The following SHTN1 variants were observed in gnomAD, a reference collection of about 807,000 sequenced individuals.
SHTN1 encodes the protein shootin-1.
A neutral mutation model predicts 83.1 loss-of-function variants in SHTN1; 42 were observed. The observed-to-expected ratio is 0.51, with a 90% CI of 0.39 to 0.65. The LOEUF (loss-of-function observed/expected upper bound fraction) is 0.65, where lower values mean the gene tolerates loss of function less well. SHTN1 is among the 30% of genes least tolerant of loss of function. The pLI, the probability that SHTN1 is intolerant of heterozygous loss-of-function variation, is 0.00. For missense variants in SHTN1, 622 were observed against 737.8 expected (o/e 0.84, Z 1.82); for synonymous variants, 224 against 247.7 (o/e 0.90, Z 0.90).
chr10:117,041,375 A>G (rs1852581776), intron 2 of SHTN1, among the ~76,000 whole-genome samples: 1 of 152,222 alleles, frequency 6.6e-6, no homozygotes, highest in South Asian at 2.1e-4. Flanking sequence ...ATTAAAATCA[A>G]TCTTCAATGC....
Position 116,884,344 on chromosome 10 carries a change from T to C in SHTN1, c.*2000A>G. The C allele has an allele frequency of 2.3e-6, 1 of 438,692 alleles. No individual in the cohort carries two copies. The highest frequency in any genetic ancestry group is 4.7e-6 in the Non-Finnish European group (1 of 213,692). 27.2% of individuals were successfully genotyped at this position (438,692 alleles called of 1,614,324 possible). On this transcript the variant is annotated 3_prime_UTR_variant, in exon 17 of 17. Transcript: ENST00000355371. ...AGGCAGAAAAAGGTGAGTGAATATC[T>C]TCCATCAAATACCTTCATGTCAAAT...
At chr10:117,043,833 C>G (rs978561377) in intron 2 of SHTN1, among the ~76,000 whole-genome samples, 1 of 151,924 alleles carries the variant, frequency 6.6e-6, no homozygotes, top group African/African-American at 2.4e-5. Context: ...CAGAGCAAGA[C>G]CCTGTCTCAA....
At chr10:117,057,314 C>T (rs2133593006) in intron 1 of SHTN1, among the ~76,000 whole-genome samples, 1 of 152,290 alleles carries the variant, frequency 6.6e-6, no homozygotes, top group Admixed American at 6.5e-5. Flanking sequence ...CCCAAGCCAC[C>T]TGGTAAGCAG....
intron 14 of SHTN1, among the ~76,000 whole-genome samples, chr10:116,908,961 A>G (rs1848082503): frequency 4.6e-5 from 7 of 152,200 alleles, no homozygotes; most frequent in Admixed American, 4.6e-4. Context: ...GGAGGAAAGA[A>G]AGGTTTCTGC....
Position 116,886,458 on chromosome 10 carries a change from G to A in SHTN1, c.1782C>T (p.Asp594=). 1 of 1,613,698 alleles carries A rather than the reference G, an allele frequency of 6.2e-7. No individual in the cohort carries two copies. The highest frequency in any genetic ancestry group is 8.5e-7 in the Non-Finnish European group (1 of 1,179,810). ...GAGTTGGATCTTTTTCAGCAACCTG[G>A]TCTTTGGTTTGGGGTTCATGTGTAG... ...PVSTHEPQTK[D]QVAEKDPTQH... Residue 594 remains aspartate, a synonymous_variant, in exon 17 of 17, where the codon GAC becomes GAT. Transcript: ENST00000355371.
intron 1 of SHTN1, among the ~76,000 whole-genome samples, chr10:117,052,811 A>G (rs1190384397): frequency 2.6e-5 from 4 of 151,428 alleles, no homozygotes; most frequent in African/African-American, 9.7e-5. Flanking sequence ...CGAGGCCAGG[A>G]GATCGAGACC....
chr10:116,974,226 T>C (rs907863936), intron 2 of SHTN1: 10 of 754,754 alleles, frequency 1.3e-5, no homozygotes, highest in East Asian at 2.2e-4. Context: ...TCTAGATAGA[T>C]TGCTGTTAAT....
intron 11 of SHTN1, among the ~76,000 whole-genome samples, chr10:116,926,121 G>A (rs1480801349): frequency 6.6e-6 from 1 of 152,022 alleles, no homozygotes; most frequent in African/African-American, 2.4e-5. Context: ...GTTCACACTT[G>A]AGACACAAAT....
intron 1 of SHTN1, among the ~76,000 whole-genome samples, chr10:117,082,980 T>A (rs1853292881): frequency 6.6e-6 from 1 of 150,608 alleles, no homozygotes; most frequent in Admixed American, 6.7e-5. Flanking sequence ...GGGTCTTGAC[T>A]CTTTATCCAA....
chr10:117,105,501 A>T (rs1589934544), intron 1 of SHTN1, among the ~76,000 whole-genome samples: 1 of 152,328 alleles, frequency 6.6e-6, no homozygotes, highest in East Asian at 1.9e-4. Flanking sequence ...CCACAGTCAC[A>T]CAGCTGGCAT....
chr10:117,097,832 A>G (rs1402281437), intron 1 of SHTN1, among the ~76,000 whole-genome samples: 1 of 152,168 alleles, frequency 6.6e-6, no homozygotes, highest in African/African-American at 2.4e-5. Context: ...AATTTCTTGC[A>G]TCACAAAATC....
intron 1 of SHTN1, among the ~76,000 whole-genome samples, chr10:117,080,967 A>G (rs1853252273): frequency 6.6e-6 from 1 of 151,050 alleles, no homozygotes; most frequent in Non-Finnish European, 1.5e-5. Context: ...ATATACAATC[A>G]TGTCATCTGC....
intron 2 of SHTN1, among the ~76,000 whole-genome samples, chr10:117,013,732 T>G (rs1405451969): frequency 6.6e-6 from 1 of 152,216 alleles, no homozygotes; most frequent in Non-Finnish European, 1.5e-5. Context: ...AGAAATACAT[T>G]TGCCATACAA....
intron 9 of SHTN1, among the ~76,000 whole-genome samples, chr10:116,933,941 T>C (rs1490375034): frequency 6.6e-6 from 1 of 152,196 alleles, no homozygotes; most frequent in Non-Finnish European, 1.5e-5. Flanking sequence ...TTTTTTCATA[T>C]GTTTGTTGGC....
intron 1 of SHTN1, among the ~76,000 whole-genome samples, chr10:117,118,659 T>C (rs1451563074): frequency 6.6e-6 from 1 of 152,178 alleles, no homozygotes; most frequent in Non-Finnish European, 1.5e-5. Flanking sequence ...TAAGTACTTA[T>C]CAACGAATTA....
Position 117,090,464 on chromosome 10 carries a change from A to T in SHTN1, c.-189+35843T>A, listed in dbSNP as rs373182350. 1.8e-4 allele frequency among the ~76,000 whole-genome samples: 28 copies of T among 152,284 alleles called. No individual in the cohort carries two copies. In the South Asian group the frequency reaches 5.8e-3, roughly 32 times the overall value. The stretch of plus-strand genomic sequence containing the variant: ...AGAGCTTCAGTTTTGCAGGATGAAG[A>T]AGTTCTGGAGATTAGCTTCACAATA... On this transcript the variant is annotated intron_variant, in intron 1 of 17. Transcript: ENST00000392901.
At chr10:116,967,545 C>T (rs1021273027) in intron 3 of SHTN1, among the ~76,000 whole-genome samples, 2 of 152,204 alleles carry the variant, frequency 1.3e-5, no homozygotes, top group African/African-American at 4.8e-5. Flanking sequence ...ATCAAGGCTG[C>T]AGACATATCC....
At chr10:116,910,811 A>T (rs1238049416) in intron 14 of SHTN1, among the ~76,000 whole-genome samples, 3 of 152,194 alleles carry the variant, frequency 2.0e-5, no homozygotes, top group African/African-American at 7.2e-5. Context: ...GCTTTAATAC[A>T]CTATTCTGTA....
intron 15 of SHTN1, 125 bp from the exon 16 acceptor site, chr10:116,902,082 G>A: frequency 1.3e-6 from 1 of 797,444 alleles, no homozygotes; most frequent in Non-Finnish European, 1.9e-6. Context: ...AAAATTTCAA[G>A]AGCATGCTGG....
Sources: allele counts gnomAD v4.1 joint callset (sites outside exome capture counted in the v4.1 genomes callset), GRCh38; gene constraint gnomAD v4.1.1; transcripts MANE v1.5; gene names NCBI Gene and HGNC (gene_info 2026-07-23, HGNC 2026-07-21).